SPAST: variants seen among roughly 807,000 people sequenced by gnomAD.
The protein encoded by SPAST is spastin.
SPAST carries 30 observed loss-of-function variants against 76.6 expected under a neutral mutation model. That is an observed-to-expected ratio of 0.39 (90% CI 0.29 to 0.53). SPAST has a LOEUF of 0.53. Among genes scored for constraint, SPAST ranks in the 20% least tolerant of loss-of-function variants. The probability of loss-of-function intolerance (pLI) is 0.68; values close to 1 mark genes in which losing one functional copy is unlikely to be tolerated. For synonymous variants in SPAST, 305 were observed against 281.0 expected (o/e 1.09, Z -0.86); for missense variants, 717 against 770.5 (o/e 0.93, Z 0.82).
intron 1 of SPAST, among the ~76,000 whole-genome samples, chr2:32,080,063 T>C (rs188188106): frequency 6.6e-6 from 1 of 152,198 alleles, no homozygotes. Context: ...TGTACAAGGG[T>C]TCCAGTTTCT....
intron 3 of SPAST, among the ~76,000 whole-genome samples, chr2:32,096,296 A>G (rs905556551): frequency 2.0e-5 from 3 of 152,114 alleles, no homozygotes; most frequent in Non-Finnish European, 4.4e-5. Flanking sequence ...TTAGCTGGGC[A>G]TGGGGGCACC....
At chr2:32,109,973 CATAT>C (rs957029511) in intron 4 of SPAST, among the ~76,000 whole-genome samples, 1 of 146,276 alleles carries the variant, frequency 6.8e-6, no homozygotes, top group African/African-American at 2.5e-5. Flanking sequence ...TATGTATATA[CATAT>C]ATAGTTATAT....
In SPAST at chr2:32,157,380, T is replaced by C. The variant is rs1435636574; in HGVS notation, c.*2884T>C. ...ATTAGAGGAAAAGCAGATACTAGAATTCTAATTTAATTACATATACAGCCG... is the reference window on the plus strand; with the variant it reads ...ATTAGAGGAAAAGCAGATACTAGAACTCTAATTTAATTACATATACAGCCG... On this transcript the variant is annotated 3_prime_UTR_variant, in exon 17 of 17. Coordinates refer to ENST00000315285, the MANE Select transcript of SPAST (RefSeq NM_014946.4). 6.6e-6 allele frequency: 1 copy of C among 152,634 alleles called. No individual in the cohort carries two copies. The highest frequency in any genetic ancestry group is 1.5e-5 in the Non-Finnish European group (1 of 68,022). 9.5% of individuals were successfully genotyped at this position (152,634 alleles called of 1,614,324 possible).
At position 32,136,526 on chromosome 2, in the gene SPAST, C is replaced by T. The variant is rs139305914; in HGVS notation, c.1246-37C>T. 19 of 1,403,186 alleles carry T rather than the reference C, an allele frequency of 1.4e-5. No individual in the cohort carries two copies. The African/African-American group carries it at 2.5e-4, about 19-fold the overall frequency. 86.9% of individuals were successfully genotyped at this position (1,403,186 alleles called of 1,614,324 possible). On this transcript the variant is annotated intron_variant, in intron 9 of 16. Transcript: ENST00000315285. ...AATTTAAAAAACTGGAATAATGTTG[C>T]ATTTTATGTGTATAACAGTATAATG... is the stretch of plus-strand genomic sequence containing the variant.
At chr2:32,119,779 TCA>T (rs1158862453) in intron 7 of SPAST, among the ~76,000 whole-genome samples, 4 of 152,216 alleles carry the variant, frequency 2.6e-5, no homozygotes, top group Admixed American at 2.0e-4. Context: ...TTAAAGTATA[TCA>T]CAGTGATCTG....
chr2:32,101,446 T>G (rs1678122104), intron 4 of SPAST, among the ~76,000 whole-genome samples: 1 of 151,572 alleles, frequency 6.6e-6, no homozygotes, highest in African/African-American at 2.4e-5. Flanking sequence ...TCTTTTGCTG[T>G]GCAGAAACTC....
chr2:32,087,310 A>G (rs954571316), intron 1 of SPAST, among the ~76,000 whole-genome samples, 182 bp from the exon 2 acceptor site: 6 of 152,176 alleles, frequency 3.9e-5, no homozygotes, highest in Admixed American at 6.6e-5. Context: ...CATCATGACC[A>G]TATTCCCCAT....
intron 14 of SPAST, among the ~76,000 whole-genome samples, chr2:32,143,853 G>GT (rs1226886773): frequency 1.3e-5 from 2 of 152,072 alleles, no homozygotes; most frequent in Admixed American, 1.3e-4. Flanking sequence ...GAGCAACAGA[G>GT]TGAGACCCTG....
In SPAST at chr2:32,087,569, A is replaced by G. The variant is rs770141489; in HGVS notation, c.493A>G (p.Thr165Ala). 1.3e-6 allele frequency: 2 copies of G among 1,581,476 alleles called. No homozygotes were observed. The highest frequency in any genetic ancestry group is 1.7e-6 in the Non-Finnish European group (2 of 1,151,664). ...ELEKGIAVIVTGQGEQCERAR... is the reference protein window; with the variant it reads ...ELEKGIAVIVAGQGEQCERAR... Reference sequence around the variant, plus strand: ...GGAAAAAGGAATAGCTGTTATAGTTACAGGACAAGGTAAGATTGTATTTGT... The same window carrying G: ...GGAAAAAGGAATAGCTGTTATAGTTGCAGGACAAGGTAAGATTGTATTTGT... Residue 165 changes from threonine to alanine, a missense_variant, in exon 2 of 17, where the codon ACA (threonine) becomes GCA (alanine). Physicochemically the swap from Thr to Ala is moderately conservative, Grantham distance 58. Transcript: ENST00000315285.
intron 1 of SPAST, among the ~76,000 whole-genome samples, chr2:32,073,962 C>T (rs966833110): frequency 1.3e-5 from 2 of 152,104 alleles, no homozygotes; most frequent in African/African-American, 2.4e-5. Flanking sequence ...TTGTCAATGC[C>T]CTCCAGTCAG....
At chr2:32,085,043 A>T (rs1387838875) in intron 1 of SPAST, among the ~76,000 whole-genome samples, 1 of 152,076 alleles carries the variant, frequency 6.6e-6, no homozygotes. Flanking sequence ...CACTCAGAAT[A>T]CAAGTGCTAT....
At chr2:32,130,875 T>C (rs914208396) in intron 9 of SPAST, among the ~76,000 whole-genome samples, 1 of 152,196 alleles carries the variant, frequency 6.6e-6, no homozygotes, top group African/African-American at 2.4e-5. Flanking sequence ...CAAGAGCAGA[T>C]CTATGTCTTC....
At chr2:32,099,815 T>C (rs1489203385) in intron 4 of SPAST, among the ~76,000 whole-genome samples, 1 of 152,212 alleles carries the variant, frequency 6.6e-6, no homozygotes, top group African/African-American at 2.4e-5. Flanking sequence ...TTTCAGCCTC[T>C]AGTATCCTCT....
rs545822845 is a variant in SPAST at position 32,120,498 on chromosome 2, T to C, written c.1098+4286T>C. Reference sequence around the variant, plus strand: ...ATTTGCTTCATTTTCATCTTATCGATTGATAATTCTTCTGTTCCATTTCAG... The same window carrying C: ...ATTTGCTTCATTTTCATCTTATCGACTGATAATTCTTCTGTTCCATTTCAG... On this transcript the variant is annotated intron_variant, in intron 7 of 16. Transcript: ENST00000315285. Among the ~76,000 whole-genome samples, 15 of 152,240 alleles carry C rather than the reference T, an allele frequency of 9.9e-5. No homozygotes were observed. The South Asian group carries it at 2.9e-3, about 29-fold the overall frequency.
At chr2:32,069,238 G>T (rs982033611) in intron 1 of SPAST, among the ~76,000 whole-genome samples, 7 of 150,734 alleles carry the variant, frequency 4.6e-5, no homozygotes, top group African/African-American at 1.7e-4. Flanking sequence ...AAAGAAAACT[G>T]AGTTTATATT....
intron 9 of SPAST, among the ~76,000 whole-genome samples, chr2:32,131,671 C>CTTTTTTTTTTTTTTTTTTTTT: frequency 9.3e-6 from 1 of 108,018 alleles, no homozygotes; most frequent in Non-Finnish European, 1.8e-5. Flanking sequence ...CAACCATTCT[C>CTTTTTTTTTTTTTTTTTTTTT]TTTTTTTTTT....
rs1680286173 is a variant in SPAST, at chr2:32,157,335, T to G, written c.*2839T>G. On this transcript the variant is annotated 3_prime_UTR_variant, in exon 17 of 17. Transcript: ENST00000315285. The stretch of plus-strand genomic sequence containing the variant: ...GAATATTAGATTTCTGACTTGCAAA[T>G]ATGTTTGTACTCCAGAAGAATTAGA... The G allele has an allele frequency of 2.0e-5, 3 of 152,622 alleles. No individual in the cohort carries two copies. The highest frequency in any genetic ancestry group is 1.3e-4 in the Admixed American group (2 of 15,272). 9.5% of individuals were successfully genotyped at this position (152,622 alleles called of 1,614,324 possible).
rs1573142871 is a variant in SPAST at position 32,128,571 on chromosome 2, T to C, written c.1245+92T>C. 3 of 855,844 alleles carry C rather than the reference T, an allele frequency of 3.5e-6. No individual in the cohort carries two copies. In the East Asian group the frequency reaches 7.8e-5, roughly 22 times the overall value. The allele number at this position is 855,844 out of a possible 1,614,324, so 53.0% of individuals were successfully genotyped here. On this transcript the variant is annotated intron_variant, in intron 9 of 16. Transcript: ENST00000315285. ...AAATGGTAATATTTCATGAAAATAT[T>C]TTTCTAGGAGCTTATCTATTGTATC...
At position 32,068,758 on chromosome 2, in the gene SPAST, G is replaced by A. The variant is rs149742165; in HGVS notation, c.415+4512G>A. ...TGAAGTAAAACTTTAGCCGGATGTG[G>A]TGGCGGGTGTGTGTAATCCCAGCTA... On this transcript the variant is annotated intron_variant, in intron 1 of 16. Coordinates refer to ENST00000315285, the MANE Select transcript of SPAST (RefSeq NM_014946.4). 7.2e-3 allele frequency among the ~76,000 whole-genome samples: 1,099 copies of A among 152,158 alleles called. 13 individuals are homozygous for A. Among genetic ancestry groups the A allele is most frequent in the Non-Finnish European group, 0.011 (756 of 68,014 alleles).
Sources: gnomAD v4.1 joint callset for allele counts (sites outside exome capture counted in the v4.1 genomes callset) on GRCh38, gnomAD v4.1.1 for gene constraint, MANE v1.5 for transcripts, NCBI Gene and HGNC (gene_info 2026-07-23, HGNC 2026-07-21) for gene names.